Variants in CALN1 observed in about 807,000 individuals in gnomAD.
CALN1 encodes calneuron 1.
CALN1 carries 17 observed loss-of-function variants against 30.6 expected under a neutral mutation model. The observed-to-expected ratio is 0.56, with a 90% CI of 0.38 to 0.83. The LOEUF (loss-of-function observed/expected upper bound fraction) is 0.83. Among genes scored for constraint, CALN1 ranks in the 40% least tolerant of loss-of-function variants. The probability of loss-of-function intolerance (pLI) is 0.00; values close to 1 mark genes in which losing one functional copy is unlikely to be tolerated. For synonymous variants in CALN1, 156 were observed against 131.4 expected, an observed-to-expected ratio of 1.19 and a Z score of -1.28; for missense variants, 291 against 354.9, an observed-to-expected ratio of 0.82 and a Z score of 1.45.
intron 2 of CALN1, among the ~76,000 whole-genome samples, chr7:72,377,868 G>T (rs1804660451): frequency 6.6e-6 from 1 of 152,094 alleles, no homozygotes; most frequent in African/African-American, 2.4e-5. Context: ...AGCACTTAGG[G>T]CCTCCTCAGG....
At chr7:72,043,014 A>C (rs34173611) in intron 4 of CALN1, among the ~76,000 whole-genome samples, 30,500 of 152,188 alleles carry the variant, frequency 0.2, 3,751 homozygotes, top group Middle Eastern at 0.31. Context: ...TATAGAAATA[A>C]ACATTTCGAC....
intron 1 of CALN1, among the ~76,000 whole-genome samples, chr7:72,411,433 A>C (rs1224081744): frequency 6.6e-6 from 1 of 152,214 alleles, no homozygotes; most frequent in African/African-American, 2.4e-5. Context: ...AAATATAACA[A>C]TTTTAAGGTT....
intron 2 of CALN1, among the ~76,000 whole-genome samples, chr7:72,349,886 TTGTC>T (rs376455679): frequency 1.3e-5 from 2 of 152,222 alleles, no homozygotes; most frequent in African/African-American, 2.4e-5. Flanking sequence ...ATTCTGTTGG[TTGTC>T]TGTTTACTTT....
At chr7:72,323,349 C>A (rs1801028323) in intron 2 of CALN1, among the ~76,000 whole-genome samples, 1 of 152,176 alleles carries the variant, frequency 6.6e-6, no homozygotes, top group African/African-American at 2.4e-5. Flanking sequence ...GAAAATGCTT[C>A]TCTTAACTAG....
chr7:72,218,051 C>A lies in CALN1; in HGVS notation c.244+60635G>T, dbSNP rs539998545. ...TAGAGACGGGGTTTCAACATGTTAG[C>A]CAGGATGGTCTTGATCTCCTGACCT... On this transcript the variant is annotated intron_variant, in intron 3 of 6. Coordinates refer to ENST00000395275, the MANE Select transcript of CALN1 (RefSeq NM_031468.4). Among the ~76,000 whole-genome samples the A allele has an allele frequency of 1.5e-4, 23 of 151,024 alleles. No homozygotes were observed. The South Asian group carries it at 4.9e-3, about 32-fold the overall frequency.
chr7:71,820,212 A>G (rs1243217368), intron 5 of CALN1, among the ~76,000 whole-genome samples: 3 of 152,172 alleles, frequency 2.0e-5, no homozygotes, highest in Non-Finnish European at 4.4e-5. Context: ...CCAAGTCTTT[A>G]GATAATACCT....
At chr7:72,435,296 C>G (rs548528836) in intron 1 of CALN1, among the ~76,000 whole-genome samples, 1 of 149,604 alleles carries the variant, frequency 6.7e-6, no homozygotes, top group Non-Finnish European at 1.5e-5. Flanking sequence ...GGAAGGGGAA[C>G]GAGAAGGGGG....
intron 4 of CALN1, among the ~76,000 whole-genome samples, chr7:72,041,032 A>C (rs943194408): frequency 1.3e-5 from 2 of 152,180 alleles, no homozygotes; most frequent in Non-Finnish European, 2.9e-5. Context: ...TCTAGCATGT[A>C]CTTCTAGGAG....
intron 1 of CALN1, among the ~76,000 whole-genome samples, chr7:72,407,433 G>A (rs1395073264): frequency 6.6e-6 from 1 of 152,150 alleles, no homozygotes; most frequent in Non-Finnish European, 1.5e-5. Context: ...CTGGATCACG[G>A]GGGTGTATTT....
chr7:72,242,445 T>C (rs988237947), intron 3 of CALN1, among the ~76,000 whole-genome samples: 1 of 152,194 alleles, frequency 6.6e-6, no homozygotes, highest in African/African-American at 2.4e-5. Context: ...GAACAACTCA[T>C]TATTTTTTGT....
intron 5 of CALN1, among the ~76,000 whole-genome samples, chr7:71,952,867 A>G (rs1347640097): frequency 1.9e-4 from 29 of 152,124 alleles, no homozygotes; most frequent in Admixed American, 1.9e-3. Flanking sequence ...TAATCCCCAG[A>G]AAGTCTTCTT....
chr7:72,295,336 T>A (rs757980822), intron 2 of CALN1, among the ~76,000 whole-genome samples: 13 of 152,180 alleles, frequency 8.5e-5, no homozygotes, highest in Non-Finnish European at 1.9e-4. Flanking sequence ...TTTTTTTAAA[T>A]CACAGAGTGT....
At chr7:72,325,916 T>C (rs540675808) in intron 2 of CALN1, among the ~76,000 whole-genome samples, 37 of 152,162 alleles carry the variant, frequency 2.4e-4, no homozygotes, top group Non-Finnish European at 4.9e-4. Context: ...GTGGGCTTTT[T>C]TAGAAGACAG....
chr7:72,189,045 C>CA (rs1790416718), intron 3 of CALN1, among the ~76,000 whole-genome samples: 1 of 152,186 alleles, frequency 6.6e-6, no homozygotes, highest in African/African-American at 2.4e-5. Flanking sequence ...GAAGGAACTG[C>CA]AAAGTGGACC....
chr7:72,316,894 A>G (rs1800492203), intron 2 of CALN1, among the ~76,000 whole-genome samples: 1 of 151,590 alleles, frequency 6.6e-6, no homozygotes, highest in Admixed American at 6.6e-5. Flanking sequence ...ACAGTCAACT[A>G]TGATGGCACC....
intron 3 of CALN1, among the ~76,000 whole-genome samples, chr7:72,239,904 T>C (rs891026455): frequency 6.6e-6 from 1 of 152,154 alleles, no homozygotes; most frequent in Admixed American, 6.6e-5. Context: ...GTCTTGTACA[T>C]TGCATGCCAG....
chr7:72,172,271 T>C (rs555977915), intron 3 of CALN1, among the ~76,000 whole-genome samples: 4 of 152,330 alleles, frequency 2.6e-5, no homozygotes, highest in African/African-American at 9.6e-5. Context: ...CATCCTTGCC[T>C]GAGAAGATGC....
intron 5 of CALN1, among the ~76,000 whole-genome samples, chr7:71,972,596 CA>C (rs1797903522): frequency 1.3e-5 from 2 of 152,144 alleles, no homozygotes; most frequent in Non-Finnish European, 2.9e-5. Flanking sequence ...TGATGTCAGA[CA>C]AAGCTGTCAG....
chr7:71,868,435 T>G (rs1791720815), intron 5 of CALN1, among the ~76,000 whole-genome samples: 1 of 150,270 alleles, frequency 6.7e-6, no homozygotes, highest in Admixed American at 6.7e-5. Context: ...GCGGTGGCAC[T>G]ATCTCGGCCC....
Sources: gnomAD v4.1 joint callset for allele counts (sites outside exome capture counted in the v4.1 genomes callset) on GRCh38, gnomAD v4.1.1 for gene constraint, MANE v1.5 for transcripts, NCBI Gene and HGNC (gene_info 2026-07-23, HGNC 2026-07-21) for gene names.